The following PHKB variants were observed in gnomAD, a reference collection of about 807,000 sequenced individuals.
The protein encoded by PHKB is phosphorylase b kinase regulatory subunit beta.
In PHKB, 122 loss-of-function variants were observed where a neutral mutation model predicts 152.1. That is an observed-to-expected ratio of 0.80 (90% confidence interval 0.69 to 0.93). The LOEUF is 0.93. PHKB is among the 40% of genes least tolerant of loss of function. The pLI, the probability that PHKB is intolerant of heterozygous loss-of-function variation, is 0.00. For synonymous variants in PHKB, 436 were observed against 464.9 expected (o/e 0.94, Z 0.80); for missense variants, 1,304 against 1,328.4 (o/e 0.98, Z 0.29).
rs1183233612 is a variant in PHKB at position 47,467,085 on chromosome 16, C to G, written c.76+5659C>G. ...TGAAGATCAAACAAGATGTTATATG[C>G]AAAACACCTGATATTTAGTAACTGC... On this transcript the variant is annotated intron_variant, in intron 1 of 30. Transcript: ENST00000323584. 2.0e-5 allele frequency among the ~76,000 whole-genome samples: 3 copies of G among 152,154 alleles called. No homozygotes were observed. The East Asian group carries it at 5.8e-4, about 29-fold the overall frequency.
chr16:47,547,421 T>G lies in PHKB; in HGVS notation c.595-12T>G, dbSNP rs1971192020. The G allele has an allele frequency of 6.6e-7, 1 of 1,520,278 alleles. No individual in the cohort carries two copies. The highest frequency in any genetic ancestry group is 9.1e-7 in the Non-Finnish European group (1 of 1,095,222). The allele number at this position is 1,520,278 out of a possible 1,614,324, so 94.2% of individuals were successfully genotyped here. A position where few individuals can be genotyped will look rare whatever the true frequency, so the allele number is the denominator to read the frequency against. ...TGAGTATGTCCTTATGTTTCATTTC[T>G]TTTTCTTTTAGGTCTCTTTTATTCA... On this transcript the variant is annotated splice_polypyrimidine_tract_variant and intron_variant, in intron 6 of 30. Transcript: ENST00000323584.
chr16:47,685,730 G>T lies in PHKB; in HGVS notation c.2631-3311G>T, dbSNP rs531521536. Among the ~76,000 whole-genome samples, 17 of 149,902 alleles carry T rather than the reference G, an allele frequency of 1.1e-4. No homozygotes were observed. The East Asian group carries it at 2.7e-3, about 24-fold the overall frequency. The stretch of plus-strand genomic sequence containing the variant: ...CCAACAATTTTAATGAATAAATGTG[G>T]TTTTTTTTCTTTTTCTTTTTTTTTT... On this transcript the variant is annotated intron_variant, in intron 26 of 30. Transcript: ENST00000323584.
chr16:47,650,482 G>C, intron 18 of PHKB, 62 bp from the exon 19 acceptor site: 1 of 978,168 alleles, frequency 1.0e-6, no homozygotes, highest in East Asian at 2.4e-5. Context: ...GGCACTCATG[G>C]TTGAGCATCC....
At chr16:47,646,604 A>G (rs1237784758) in intron 16 of PHKB, among the ~76,000 whole-genome samples, 1 of 150,998 alleles carries the variant, frequency 6.6e-6, no homozygotes, top group South Asian at 2.1e-4. Flanking sequence ...TACAGAACAT[A>G]CAAAGAGTCA....
At chr16:47,532,578 G>T (rs533891741) in intron 6 of PHKB, among the ~76,000 whole-genome samples, 12 of 152,328 alleles carry the variant, frequency 7.9e-5, no homozygotes, top group African/African-American at 2.9e-4. Context: ...CTGCTGCAAC[G>T]GAGTGGGCAG....
intron 1 of PHKB, among the ~76,000 whole-genome samples, chr16:47,471,637 A>G (rs1389678462): frequency 5.9e-5 from 9 of 152,164 alleles, no homozygotes; most frequent in Non-Finnish European, 1.3e-4. Context: ...GGCCACCTTG[A>G]TTATGCATTA....
chr16:47,683,452 C>A (rs767566441), intron 26 of PHKB, among the ~76,000 whole-genome samples: 50 of 152,190 alleles, frequency 3.3e-4, no homozygotes, highest in Admixed American at 5.9e-4. Context: ...CCTAATCAAG[C>A]CTTGGCAATG....
intron 14 of PHKB, among the ~76,000 whole-genome samples, chr16:47,633,732 G>A (rs1972867183): frequency 6.6e-6 from 1 of 152,160 alleles, no homozygotes; most frequent in Non-Finnish European, 1.5e-5. Flanking sequence ...TAAAACAGAT[G>A]GGAGACCAAC....
At chr16:47,600,049 A>G (rs1597115090) in intron 13 of PHKB, among the ~76,000 whole-genome samples, 2 of 152,190 alleles carry the variant, frequency 1.3e-5, no homozygotes, top group African/African-American at 4.8e-5. Context: ...TTTACATGAA[A>G]ATAATATAAC....
chr16:47,674,040 T>C (rs1266345742), intron 26 of PHKB, among the ~76,000 whole-genome samples: 1 of 152,214 alleles, frequency 6.6e-6, no homozygotes, highest in African/African-American at 2.4e-5. Context: ...AGAAACAGGC[T>C]TTAGTGTTTA....
chr16:47,633,058 A>G (rs1231911707), intron 14 of PHKB, among the ~76,000 whole-genome samples: 3 of 152,224 alleles, frequency 2.0e-5, no homozygotes, highest in Non-Finnish European at 4.4e-5. Flanking sequence ...TTTCTTTACA[A>G]TGAAAAAATC....
At position 47,690,171 on chromosome 16, in the gene PHKB, G is replaced by A. The variant is rs1421500251; in HGVS notation, c.2765+996G>A. Reference sequence around the variant, plus strand: ...AATTTAATGTGTGACAAAGGCCAAGGATGGACTTTTTAAATAGTGATGAGA... The same window carrying A: ...AATTTAATGTGTGACAAAGGCCAAGAATGGACTTTTTAAATAGTGATGAGA... On this transcript the variant is annotated intron_variant, in intron 27 of 30. Coordinates refer to ENST00000323584, the MANE Select transcript of PHKB (RefSeq NM_000293.3). Among the ~76,000 whole-genome samples, 6 of 152,276 alleles carry A rather than the reference G, an allele frequency of 3.9e-5. No homozygotes were observed. The East Asian group carries it at 7.7e-4, about 20-fold the overall frequency.
intron 7 of PHKB, among the ~76,000 whole-genome samples, chr16:47,555,899 A>G (rs1971360350): frequency 6.6e-6 from 1 of 152,158 alleles, no homozygotes; most frequent in Non-Finnish European, 1.5e-5. Flanking sequence ...GATTCTTCCT[A>G]CCCATGAGCA....
chr16:47,562,115 G>A (rs1971485634), intron 7 of PHKB: 1 of 152,320 alleles, frequency 6.6e-6, no homozygotes, highest in South Asian at 2.1e-4. Flanking sequence ...GATGGAAGGA[G>A]AGATGGAGTT....
chr16:47,648,682 G>T, intron 17 of PHKB, 66 bp downstream of exon 17: 2 of 940,656 alleles, frequency 2.1e-6, no homozygotes, highest in South Asian at 1.3e-5. Context: ...AATGGTGCTT[G>T]ACCTGCTATG....
chr16:47,474,951 TGA>T (rs1258621198), intron 1 of PHKB, among the ~76,000 whole-genome samples: 6 of 152,152 alleles, frequency 3.9e-5, no homozygotes, highest in African/African-American at 1.4e-4. Context: ...CTCGAACTCC[TGA>T]TTTCAGGTGA....
At chr16:47,648,845 A>C (rs1973182245) in intron 17 of PHKB, among the ~76,000 whole-genome samples, 2 of 152,216 alleles carry the variant, frequency 1.3e-5, no homozygotes. Context: ...AGCTTTGTAA[A>C]ATATCTAATT....
intron 7 of PHKB, among the ~76,000 whole-genome samples, chr16:47,577,090 T>A (rs1971761928): frequency 6.6e-6 from 1 of 152,102 alleles, no homozygotes; most frequent in Admixed American, 6.5e-5. Flanking sequence ...CTATTTTTCA[T>A]CTTTCTGTTT....
intron 3 of PHKB, among the ~76,000 whole-genome samples, chr16:47,501,440 G>A (rs150865358): frequency 6.6e-6 from 1 of 151,956 alleles, no homozygotes; most frequent in Non-Finnish European, 1.5e-5. Flanking sequence ...TATGTTTTTG[G>A]GACACTTCAG....
Sources: allele counts gnomAD v4.1 joint callset (sites outside exome capture counted in the v4.1 genomes callset), GRCh38; gene constraint gnomAD v4.1.1; transcripts MANE v1.5; gene names NCBI Gene and HGNC (gene_info 2026-07-23, HGNC 2026-07-21).